DYNC2H1: variants seen among roughly 807,000 people sequenced by gnomAD.
The protein encoded by DYNC2H1 is dynein cytoplasmic 2 heavy chain 1, also known as cytoplasmic dynein 2 heavy chain 1.
DYNC2H1 carries 410 observed loss-of-function variants against 570.0 expected under a neutral mutation model. The observed-to-expected ratio is 0.72, with a 90% confidence interval of 0.66 to 0.78. The LOEUF (loss-of-function observed/expected upper bound fraction) is 0.78. Ranked by LOEUF, DYNC2H1 falls within the 30% of genes least tolerant of loss-of-function variation. The probability of loss-of-function intolerance (pLI) is 0.00; values close to 1 mark genes in which losing one functional copy is unlikely to be tolerated. For synonymous variants in DYNC2H1, 1,688 were observed against 1,677.6 expected (o/e 1.01, Z -0.15); for missense variants, 4,865 against 5,046.4 (o/e 0.96, Z 1.09).
chr11:103,402,526 G>C (rs963730758), intron 84 of DYNC2H1: 5 of 152,234 alleles, frequency 3.3e-5, no homozygotes, highest in African/African-American at 1.2e-4. Flanking sequence ...AGCTGAGAGA[G>C]CCCCTGTTAA....
chr11:103,433,576 G>C (rs1226971163), intron 84 of DYNC2H1, among the ~76,000 whole-genome samples: 2 of 152,070 alleles, frequency 1.3e-5, no homozygotes, highest in African/African-American at 4.8e-5. Context: ...GTGAGTGAGA[G>C]GAGTGTCAAA....
chr11:103,287,997 A>G (rs532935879), intron 75 of DYNC2H1, among the ~76,000 whole-genome samples: 1 of 152,110 alleles, frequency 6.6e-6, no homozygotes, highest in Admixed American at 6.5e-5. Flanking sequence ...GGAAGTGGGA[A>G]GTGCTGATTG....
At chr11:103,165,215 CCT>C (rs1383511860) in intron 30 of DYNC2H1, among the ~76,000 whole-genome samples, 3 of 152,106 alleles carry the variant, frequency 2.0e-5, no homozygotes, top group African/African-American at 7.2e-5. Flanking sequence ...GCAACCTCCC[CCT>C]CTCAGGCTCA....
In DYNC2H1 at chr11:103,211,841, A is replaced by G; in HGVS notation, c.8592A>G (p.Ala2864=). ...TATTAATCCATGAATCTTGTAAAGC[A>G]TATGGTGCTACACCAAGCCGATACA... The part of the protein sequence containing the change: ...SFLLIHESCK[A]YGATPSRYMT... Residue 2864 remains alanine, a synonymous_variant, in exon 54 of 89, where the codon GCA becomes GCG. Coordinates refer to ENST00000375735, the MANE Select transcript of DYNC2H1 (RefSeq NM_001377.3). 1 of 1,478,242 alleles carries G rather than the reference A, an allele frequency of 6.8e-7. No individual in the cohort carries two copies. The highest frequency in any genetic ancestry group is 2.6e-5 in the East Asian group (1 of 38,694). 91.6% of individuals were successfully genotyped at this position (1,478,242 alleles called of 1,614,324 possible).
chr11:103,210,009 A>G lies in DYNC2H1; in HGVS notation c.8539+49A>G, dbSNP rs1460575025. The stretch of plus-strand genomic sequence containing the variant: ...TGATCTGGTTTTTATTTATGAAATA[A>G]TTGCCGTTTTTAATGCTACAGATCC... On this transcript the variant is annotated intron_variant, in intron 53 of 88. Transcript: ENST00000375735. 2.2e-6 allele frequency: 3 copies of G among 1,394,898 alleles called. No individual in the cohort carries two copies. The South Asian group carries it at 4.5e-5, about 21-fold the overall frequency. 86.4% of individuals were successfully genotyped at this position (1,394,898 alleles called of 1,614,324 possible). A position where few individuals can be genotyped will look rare whatever the true frequency, so the allele number is the denominator to read the frequency against.
intron 70 of DYNC2H1, among the ~76,000 whole-genome samples, chr11:103,266,098 G>A (rs11225637): frequency 0.18 from 26,035 of 147,792 alleles, 3,201 homozygotes; most frequent in African/African-American, 0.34. Flanking sequence ...GGGGCAAGGC[G>A]CTCTGTGACC....
At chr11:103,198,676 A>G (rs1466394723) in intron 48 of DYNC2H1, among the ~76,000 whole-genome samples, 1 of 152,168 alleles carries the variant, frequency 6.6e-6, no homozygotes, top group Non-Finnish European at 1.5e-5. Context: ...CCTGGAATGG[A>G]TGTTGCAAAG....
At position 103,177,013 on chromosome 11, in the gene DYNC2H1, T is replaced by C. The variant is rs909257124; in HGVS notation, c.5875-543T>C. Among the ~76,000 whole-genome samples the C allele has an allele frequency of 4.6e-5, 7 of 152,128 alleles. No individual in the cohort carries two copies. The highest frequency in any genetic ancestry group is 7.4e-5 in the Non-Finnish European group (5 of 68,008). ...GAGCCACCGCATCTGGCCATCCATA[T>C]ATATTTTTGCTCACCATTTCATTTC... On this transcript the variant is annotated intron_variant, in intron 37 of 88. Transcript: ENST00000375735. The surrounding 1 kb of genome is among the most constrained non-coding windows in gnomAD (Gnocchi z 4.4).
chr11:103,207,331 A>G (rs1362613581), intron 52 of DYNC2H1, among the ~76,000 whole-genome samples: 1 of 151,892 alleles, frequency 6.6e-6, no homozygotes, highest in Non-Finnish European at 1.5e-5. Context: ...CAAAACAGGG[A>G]AAAATTGCTA....
chr11:103,459,263 C>T (rs1290402093), intron 87 of DYNC2H1, among the ~76,000 whole-genome samples: 1 of 126,250 alleles, frequency 7.9e-6, no homozygotes, highest in Admixed American at 8.7e-5. Context: ...GAGCCGAGAT[C>T]CCGCCACTGC....
rs1476191580 is a variant in DYNC2H1 at position 103,277,071 on chromosome 11, C to G, written c.10696-3277C>G. ...TTAATTTTTTAAATTACAAGTTATT[C>G]ATGCTCTTTGTAATAGCCAAATAAT... On this transcript the variant is annotated intron_variant, in intron 70 of 88. Transcript: ENST00000375735. This position sits in a 1 kb window ranked among gnomAD's most constrained non-coding sequence, Gnocchi z 4.3. Among the ~76,000 whole-genome samples the G allele has an allele frequency of 6.6e-6, 1 of 151,972 alleles. No homozygotes were observed. The highest frequency in any genetic ancestry group is 1.5e-5 in the Non-Finnish European group (1 of 67,926).
chr11:103,302,998 G>T, intron 75 of DYNC2H1, 95 bp from the exon 76 acceptor site: 1 of 902,632 alleles, frequency 1.1e-6, no homozygotes. Flanking sequence ...CAACTCACCT[G>T]GGTATTCTCT....
In DYNC2H1 at chr11:103,318,112, A is replaced by G. The variant is rs376084630; in HGVS notation, c.11725+1492A>G. On this transcript the variant is annotated intron_variant, in intron 80 of 88. Transcript: ENST00000375735. ...CTAGGATGTGGCCAAGTCCCATTTT[A>G]ATTTATATATTTTTAAAGTTTAAAA... is the stretch of plus-strand genomic sequence containing the variant. Among the ~76,000 whole-genome samples the G allele has an allele frequency of 2.0e-5, 3 of 152,212 alleles. No homozygotes were observed. The East Asian group carries it at 5.8e-4, about 29-fold the overall frequency.
In DYNC2H1 at chr11:103,151,831, A is replaced by G. The variant is rs1860559221; in HGVS notation, c.2947-305A>G. Among the ~76,000 whole-genome samples the G allele has an allele frequency of 6.6e-6, 1 of 152,114 alleles. No individual in the cohort carries two copies. Among genetic ancestry groups the G allele is most frequent in the South Asian group, 2.1e-4 (1 of 4,824 alleles). The stretch of plus-strand genomic sequence containing the variant: ...CATTTATAATAAGAACTTTACTTTG[A>G]TAAACTGTAGTATTATCTTTATGGA... On this transcript the variant is annotated intron_variant, in intron 20 of 88. Transcript: ENST00000375735. This position sits in a 1 kb window ranked among gnomAD's most constrained non-coding sequence, Gnocchi z 4.6.
chr11:103,330,214 G>T (rs1026785932), intron 82 of DYNC2H1, among the ~76,000 whole-genome samples: 1 of 152,182 alleles, frequency 6.6e-6, no homozygotes, highest in African/African-American at 2.4e-5. Context: ...TACTAAGTTT[G>T]TATCTTGTGA....
In DYNC2H1 at chr11:103,280,305, A is replaced by G. The variant is rs7103616; in HGVS notation, c.10696-43A>G. On this transcript the variant is annotated intron_variant, in intron 70 of 88. Coordinates refer to ENST00000375735, the MANE Select transcript of DYNC2H1 (RefSeq NM_001377.3). This position sits in a 1 kb window ranked among gnomAD's most constrained non-coding sequence, Gnocchi z 4.7. ...TTAACGACTATGCTTTTCCAAAGAC[A>G]CAAATTTTTAAAAGGCAAGATAATA... The G allele has an allele frequency of 0.12, 180,569 of 1,542,026 alleles. 10,922 individuals are homozygous for G. Among genetic ancestry groups the G allele is most frequent in the Non-Finnish European group, 0.12 (136,301 of 1,139,646 alleles).
chr11:103,373,899 A>C (rs2671375), intron 83 of DYNC2H1, among the ~76,000 whole-genome samples: 68,287 of 151,966 alleles, frequency 0.45, 16,414 homozygotes, highest in Non-Finnish European at 0.54. Context: ...CAGTTGCTAC[A>C]TCCTCTTTTT....
chr11:103,231,236 G>C, intron 59 of DYNC2H1, 24 bp from the exon 60 acceptor site: 2 of 1,430,240 alleles, frequency 1.4e-6, no homozygotes, highest in Middle Eastern at 1.8e-4. Flanking sequence ...AGAATGACTT[G>C]TATAATATTG....
At chr11:103,200,212 G>A (rs1429492986) in intron 50 of DYNC2H1, 58 bp downstream of exon 50, 33 of 1,289,352 alleles carry the variant, frequency 2.6e-5, no homozygotes, top group Non-Finnish European at 3.5e-5. Flanking sequence ...AATTATCCAA[G>A]TAAAATTATC....
Sources: allele counts gnomAD v4.1 joint callset (sites outside exome capture counted in the v4.1 genomes callset), GRCh38; gene constraint gnomAD v4.1.1; non-coding constraint Gnocchi (gnomAD v3.1); transcripts MANE v1.5; gene names NCBI Gene and HGNC (gene_info 2026-07-23, HGNC 2026-07-21).